EVI5: variants seen among roughly 807,000 people sequenced by gnomAD.
EVI5 encodes the protein ecotropic viral integration site 5, also known as ecotropic viral integration site 5 protein homolog.
A neutral mutation model predicts 112.0 loss-of-function variants in EVI5; 73 were observed. That is an observed-to-expected ratio of 0.65 (90% confidence interval 0.54 to 0.79). The LOEUF is 0.79. EVI5 is among the 30% of genes least tolerant of loss of function. The pLI is 0.00. For missense variants in EVI5, 900 were observed against 968.8 expected (o/e 0.93, Z 0.94); for synonymous variants, 305 against 319.9 (o/e 0.95, Z 0.50).
intron 9 of EVI5, among the ~76,000 whole-genome samples, chr1:92,683,784 C>T (rs1483056759): frequency 6.6e-6 from 1 of 151,512 alleles, no homozygotes; most frequent in African/African-American, 2.4e-5. Flanking sequence ...ATAGTTGATT[C>T]GATCAAGTGG....
At chr1:92,569,655 A>G (rs1236068368) in intron 18 of EVI5, among the ~76,000 whole-genome samples, 1 of 152,052 alleles carries the variant, frequency 6.6e-6, no homozygotes, top group East Asian at 1.9e-4. Context: ...AGAGATCGAG[A>G]CCATCCTGGC....
upstream of EVI5, among the ~76,000 whole-genome samples, chr1:92,789,629 C>T (rs547638843): frequency 6.6e-6 from 1 of 152,218 alleles, no homozygotes; most frequent in South Asian, 2.1e-4. Flanking sequence ...GCGGTAAATT[C>T]AGTGAGCAAT....
At chr1:92,657,854 T>A (rs1448097500) in intron 13 of EVI5, among the ~76,000 whole-genome samples, 1 of 152,180 alleles carries the variant, frequency 6.6e-6, no homozygotes, top group Non-Finnish European at 1.5e-5. Context: ...GGAGCAGGTA[T>A]GTCACACAGT....
chr1:92,766,230 G>T (rs1249073748), intron 1 of EVI5, among the ~76,000 whole-genome samples: 1 of 151,432 alleles, frequency 6.6e-6, no homozygotes, highest in Non-Finnish European at 1.5e-5. Context: ...GTTCAAGCTC[G>T]CAAGTGAGGA....
At chr1:92,543,672 T>C (rs1276589644) in intron 19 of EVI5, among the ~76,000 whole-genome samples, 1 of 152,222 alleles carries the variant, frequency 6.6e-6, no homozygotes, top group Non-Finnish European at 1.5e-5. Flanking sequence ...GGCTTTTGAC[T>C]ATATGAGTGC....
At chr1:92,632,419 T>C (rs1223621973) in intron 14 of EVI5, among the ~76,000 whole-genome samples, 1 of 152,230 alleles carries the variant, frequency 6.6e-6, no homozygotes, top group Non-Finnish European at 1.5e-5. Flanking sequence ...GGAAGGTGTA[T>C]GTGTCGAGGA....
chr1:92,553,366 A>G (rs1341628699), intron 19 of EVI5, among the ~76,000 whole-genome samples: 1 of 142,316 alleles, frequency 7.0e-6, no homozygotes, highest in African/African-American at 2.7e-5. Context: ...GCAGTGGCAC[A>G]ATCTCGGCTC....
intron 19 of EVI5, among the ~76,000 whole-genome samples, chr1:92,530,647 G>A (rs1470994316): frequency 2.0e-5 from 3 of 151,940 alleles, no homozygotes; most frequent in Admixed American, 2.0e-4. Context: ...CAGGCAAACA[G>A]GGTCCAGAGT....
chr1:92,711,937 A>C (rs1672910604), intron 2 of EVI5, among the ~76,000 whole-genome samples: 1 of 152,202 alleles, frequency 6.6e-6, no homozygotes, highest in African/African-American at 2.4e-5. Context: ...GCATAAGATA[A>C]GGACCCATTC....
intron 16 of EVI5, among the ~76,000 whole-genome samples, chr1:92,614,482 G>C (rs1652588589): frequency 6.6e-6 from 1 of 152,090 alleles, no homozygotes; most frequent in South Asian, 2.1e-4. Flanking sequence ...TGCCAAAAGA[G>C]ATTAACATTT....
intron 1 of EVI5, among the ~76,000 whole-genome samples, chr1:92,741,255 T>C (rs941470270): frequency 5.3e-5 from 8 of 152,216 alleles, no homozygotes; most frequent in African/African-American, 1.9e-4. Flanking sequence ...GGAGATTCCT[T>C]GCTCTTAACC....
intron 1 of EVI5, among the ~76,000 whole-genome samples, chr1:92,779,989 C>T (rs1245503712): frequency 1.3e-5 from 2 of 152,164 alleles, no homozygotes; most frequent in African/African-American, 2.4e-5. Flanking sequence ...CCTGGTGATA[C>T]GATTTGGCTC....
chr1:92,522,520 C>T (rs1036842501), intron 19 of EVI5, among the ~76,000 whole-genome samples: 1 of 149,648 alleles, frequency 6.7e-6, no homozygotes, highest in Non-Finnish European at 1.5e-5. Context: ...CCTGTAATCC[C>T]AGCTACGCGG....
chr1:92,553,463 C>T (rs531811341), intron 19 of EVI5, among the ~76,000 whole-genome samples: 5 of 152,048 alleles, frequency 3.3e-5, no homozygotes, highest in East Asian at 1.9e-4. Context: ...CCACCACGCC[C>T]GGCTAATTTT....
chr1:92,625,296 C>T (rs114441192), intron 15 of EVI5, among the ~76,000 whole-genome samples: 3,088 of 152,080 alleles, frequency 0.02, 54 homozygotes, highest in Non-Finnish European at 0.034. Context: ...TAATTTCGGT[C>T]CTTATATAGA....
At chr1:92,557,528 A>G (rs1041771182) in intron 19 of EVI5, among the ~76,000 whole-genome samples, 2 of 151,792 alleles carry the variant, frequency 1.3e-5, no homozygotes, top group East Asian at 3.9e-4. Flanking sequence ...CAAACTCCTG[A>G]CCTTAGATGA....
chr1:92,762,933 T>C (rs368829271), intron 1 of EVI5, among the ~76,000 whole-genome samples: 13 of 152,110 alleles, frequency 8.5e-5, no homozygotes, highest in South Asian at 6.2e-4. Context: ...AATATAACCA[T>C]GTAGTGAAAA....
At chr1:92,646,582 C>T (rs1052900505) in intron 13 of EVI5, among the ~76,000 whole-genome samples, 6 of 152,186 alleles carry the variant, frequency 3.9e-5, no homozygotes, top group East Asian at 1.9e-4. Flanking sequence ...ACAGGCTCAG[C>T]GCCAAGAAAC....
chr1:92,677,247 G>A (rs1289179757), intron 9 of EVI5, 29 bp from the exon 10 acceptor site: 2 of 1,286,464 alleles, frequency 1.6e-6, no homozygotes. Flanking sequence ...AGAGTTAAAG[G>A]TAATGTTTTC....
Sources: gnomAD v4.1 joint callset for allele counts (sites outside exome capture counted in the v4.1 genomes callset) on GRCh38, gnomAD v4.1.1 for gene constraint, MANE v1.5 for transcripts, NCBI Gene and HGNC (gene_info 2026-07-23, HGNC 2026-07-21) for gene names.